The following GPC6 variants were observed in gnomAD, a reference collection of about 807,000 sequenced individuals.
The protein encoded by GPC6 is glypican-6.
GPC6 carries 14 observed loss-of-function variants against 55.2 expected under a neutral mutation model. The observed-to-expected ratio is 0.25, with a 90% CI of 0.17 to 0.40. The LOEUF (loss-of-function observed/expected upper bound fraction) is 0.40, where lower values mean the gene tolerates loss of function less well. Among genes scored for constraint, GPC6 ranks in the 10% least tolerant of loss-of-function variants. The pLI is 1.00. For synonymous variants in GPC6, 278 were observed against 259.6 expected, an observed-to-expected ratio of 1.07 and a Z score of -0.68; for missense variants, 641 against 708.5, an observed-to-expected ratio of 0.90 and a Z score of 1.08.
chr13:93,514,698 G>T (rs946136217), intron 1 of GPC6, among the ~76,000 whole-genome samples: 1 of 152,176 alleles, frequency 6.6e-6, no homozygotes, highest in African/African-American at 2.4e-5. Flanking sequence ...AATGTGAGTA[G>T]AAATGAACTG....
chr13:93,599,967 A>G (rs1021242967), intron 2 of GPC6, among the ~76,000 whole-genome samples: 6 of 152,174 alleles, frequency 3.9e-5, no homozygotes, highest in Non-Finnish European at 5.9e-5. Flanking sequence ...CCCCTCCAAA[A>G]AAAAGCATCT....
intron 7 of GPC6, among the ~76,000 whole-genome samples, chr13:94,394,339 T>C (rs1260590255): frequency 6.6e-6 from 1 of 152,198 alleles, no homozygotes; most frequent in Non-Finnish European, 1.5e-5. Context: ...CACTTCTGGC[T>C]TCTCCCAAGG....
At chr13:94,339,343 C>T (rs1051871671) in intron 6 of GPC6, among the ~76,000 whole-genome samples, 1 of 152,172 alleles carries the variant, frequency 6.6e-6, no homozygotes, top group Non-Finnish European at 1.5e-5. Flanking sequence ...GGATTACAGG[C>T]GTGAGCCATC....
intron 4 of GPC6, among the ~76,000 whole-genome samples, chr13:94,087,823 A>C (rs1885342592): frequency 6.6e-6 from 1 of 152,196 alleles, no homozygotes; most frequent in African/African-American, 2.4e-5. Flanking sequence ...GGAGTCCAGC[A>C]CTACTTTGAG....
At chr13:93,825,582 C>T (rs1887201107) in intron 2 of GPC6, among the ~76,000 whole-genome samples, 1 of 152,174 alleles carries the variant, frequency 6.6e-6, no homozygotes, top group Non-Finnish European at 1.5e-5. Flanking sequence ...GGATAAATGG[C>T]ACTGTGGGTC....
intron 3 of GPC6, among the ~76,000 whole-genome samples, chr13:93,903,034 G>A (rs539854125): frequency 6.6e-6 from 1 of 152,146 alleles, no homozygotes; most frequent in Non-Finnish European, 1.5e-5. Flanking sequence ...CACACAGGTA[G>A]ACCCCATCTC....
chr13:93,904,586 A>T (rs1211953346), intron 3 of GPC6, among the ~76,000 whole-genome samples: 1 of 152,112 alleles, frequency 6.6e-6, no homozygotes, highest in East Asian at 1.9e-4. Context: ...AAAAATAAAA[A>T]AATTAACCCA....
intron 2 of GPC6, among the ~76,000 whole-genome samples, chr13:93,746,071 A>G (rs1373109644): frequency 3.9e-5 from 6 of 152,246 alleles, no homozygotes; most frequent in African/African-American, 1.2e-4. Flanking sequence ...CAGATTCAGA[A>G]CCACATACCG....
At chr13:94,374,295 T>C (rs1879730998) in intron 6 of GPC6, among the ~76,000 whole-genome samples, 1 of 151,528 alleles carries the variant, frequency 6.6e-6, no homozygotes. Flanking sequence ...TCAAGACCCA[T>C]CAGTGTGCTG....
chr13:93,949,925 G>T (rs559219085), intron 3 of GPC6, among the ~76,000 whole-genome samples: 5 of 151,964 alleles, frequency 3.3e-5, no homozygotes, highest in Non-Finnish European at 7.4e-5. Context: ...CAGGGGTTTT[G>T]ACATGTTGCC....
At chr13:93,905,098 G>T (rs1208552108) in intron 3 of GPC6, among the ~76,000 whole-genome samples, 1 of 60,818 alleles carries the variant, frequency 1.6e-5, no homozygotes, top group Non-Finnish European at 3.2e-5. Context: ...TTTTTTGAAA[G>T]GGGGTGCTTT....
intron 1 of GPC6, among the ~76,000 whole-genome samples, chr13:93,315,410 A>C (rs1264142781): frequency 6.6e-6 from 1 of 151,966 alleles, no homozygotes; most frequent in Non-Finnish European, 1.5e-5. Flanking sequence ...ATACTCTTTA[A>C]TCATCCCAGT....
chr13:94,076,283 A>T (rs922353692), intron 4 of GPC6, among the ~76,000 whole-genome samples: 2 of 151,894 alleles, frequency 1.3e-5, no homozygotes, highest in African/African-American at 4.8e-5. Context: ...ATGTCCATTA[A>T]TGTCCTTTGC....
At chr13:93,586,326 G>A (rs569258702) in intron 2 of GPC6, among the ~76,000 whole-genome samples, 1 of 152,148 alleles carries the variant, frequency 6.6e-6, no homozygotes, top group Non-Finnish European at 1.5e-5. Context: ...ATTCCATGGT[G>A]TATATGTACC....
chr13:93,513,939 T>C (rs1428731522), intron 1 of GPC6, among the ~76,000 whole-genome samples: 1 of 137,258 alleles, frequency 7.3e-6, no homozygotes, highest in African/African-American at 2.8e-5. Flanking sequence ...AATGGAGCAA[T>C]CTTGGCTCAC....
intron 1 of GPC6, among the ~76,000 whole-genome samples, chr13:93,293,850 G>A (rs550022093): frequency 1.3e-5 from 2 of 151,126 alleles, no homozygotes; most frequent in Non-Finnish European, 2.9e-5. Context: ...TTCCTTCTAA[G>A]CATCTCAACT....
chr13:93,360,900 G>T (rs149893358), intron 1 of GPC6, among the ~76,000 whole-genome samples: 144 of 152,184 alleles, frequency 9.5e-4, no homozygotes, highest in African/African-American at 3.3e-3. Context: ...CTTTAACTCC[G>T]TGACCCCACT....
At chr13:94,066,788 T>G (rs191195237) in intron 4 of GPC6, among the ~76,000 whole-genome samples, 1 of 152,210 alleles carries the variant, frequency 6.6e-6, no homozygotes, top group African/African-American at 2.4e-5. Flanking sequence ...ACAACTTTAT[T>G]TAACTACCAA....
intron 1 of GPC6, among the ~76,000 whole-genome samples, chr13:93,366,708 T>A (rs1881262810): frequency 6.6e-6 from 1 of 152,038 alleles, no homozygotes; most frequent in African/African-American, 2.4e-5. Context: ...ATCCATTTAT[T>A]TGGGTAGACT....
Sources: allele counts gnomAD v4.1 joint callset (sites outside exome capture counted in the v4.1 genomes callset), GRCh38; gene constraint gnomAD v4.1.1; transcripts MANE v1.5; gene names NCBI Gene and HGNC (gene_info 2026-07-23, HGNC 2026-07-21).